Variants in HLCS observed in about 807,000 individuals in gnomAD.
The protein encoded by HLCS is holocarboxylase synthetase.
In HLCS, 53 loss-of-function variants were observed where a neutral mutation model predicts 75.0. The observed-to-expected ratio is 0.71, with a 90% CI of 0.57 to 0.89. The LOEUF (loss-of-function observed/expected upper bound fraction) is 0.89. HLCS is among the 40% of genes least tolerant of loss of function. The pLI, the probability that HLCS is intolerant of heterozygous loss-of-function variation, is 0.00. For synonymous variants in HLCS, 431 were observed against 428.6 expected (o/e 1.01, Z -0.07); for missense variants, 966 against 1,074.0 (o/e 0.90, Z 1.41).
At chr21:36,927,385 G>A (rs1187243587) in intron 5 of HLCS, among the ~76,000 whole-genome samples, 4 of 152,230 alleles carry the variant, frequency 2.6e-5, no homozygotes, top group African/African-American at 9.6e-5. Context: ...CCGTCGCTGA[G>A]GCGAGTGTTT....
intron 6 of HLCS, among the ~76,000 whole-genome samples, chr21:36,795,303 C>G (rs905209117): frequency 1.1e-4 from 16 of 152,182 alleles, no homozygotes; most frequent in Non-Finnish European, 1.8e-4. Context: ...ATTGACGGTG[C>G]TCAGCTAGCC....
chr21:36,765,850 T>C (rs2090012032), intron 7 of HLCS, among the ~76,000 whole-genome samples: 1 of 152,342 alleles, frequency 6.6e-6, no homozygotes, highest in South Asian at 2.1e-4. Context: ...TTTCACCATG[T>C]TGGTCAGGCT....
At chr21:36,756,491 C>G (rs752117681) in intron 10 of HLCS, 51 bp downstream of exon 10, 2 of 555,190 alleles carry the variant, frequency 3.6e-6, no homozygotes. Context: ...TACAGAACTA[C>G]TAAGATACTA....
In HLCS at chr21:36,754,208, G is replaced by A; in HGVS notation, c.*38C>T. The A allele has an allele frequency of 6.2e-7, 1 of 1,603,504 alleles. No individual in the cohort carries two copies. The highest frequency in any genetic ancestry group is 8.5e-7 in the Non-Finnish European group (1 of 1,171,730). ...TCTAAATTAGATTTCCAGATGCATG[G>A]GCACGGACAGGCAGCCGCGTCTCGG... On this transcript the variant is annotated 3_prime_UTR_variant, in exon 11 of 11. Transcript: ENST00000674895.
chr21:36,756,577 G>C lies in HLCS; in HGVS notation c.2415C>G (p.Ser805Arg). Residue 805 changes from serine (S) to arginine (R), a missense_variant, in exon 10 of 11, where the codon AGC (serine) becomes AGG (arginine). Ser to Arg is a moderately radical substitution (Grantham distance 110). Transcript: ENST00000674895. ...AGTATCGGTAATAAAGGGGAAGGAC[G>C]CTGTTGGGCCCTTTGTCCTGAAACT... ...IKEFQDKGPN[S>R]VLPLYYRYWV... 6.2e-7 allele frequency: 1 copy of C among 1,613,180 alleles called. No individual in the cohort carries two copies. The highest frequency in any genetic ancestry group is 8.5e-7 in the Non-Finnish European group (1 of 1,179,568).
chr21:36,870,399 T>C (rs930852566), intron 6 of HLCS, among the ~76,000 whole-genome samples: 1 of 152,224 alleles, frequency 6.6e-6, no homozygotes, highest in African/African-American at 2.4e-5. Flanking sequence ...TAATTCCTTA[T>C]TTTTCTTAGT....
chr21:36,892,682 A>C (rs6517390), intron 6 of HLCS, among the ~76,000 whole-genome samples: 22,521 of 152,166 alleles, frequency 0.15, 3,613 homozygotes, highest in African/African-American at 0.4. Flanking sequence ...GCTGTTCCCC[A>C]CTGTGTCCTT....
At chr21:36,917,297 C>A (rs778529578) in intron 5 of HLCS, among the ~76,000 whole-genome samples, 3 of 152,176 alleles carry the variant, frequency 2.0e-5, no homozygotes, top group East Asian at 1.9e-4. Flanking sequence ...TCTGAACAAG[C>A]CTTCATGCTG....
At chr21:36,876,881 C>CT (rs1453331175) in intron 6 of HLCS, among the ~76,000 whole-genome samples, 1 of 152,180 alleles carries the variant, frequency 6.6e-6, no homozygotes, top group Non-Finnish European at 1.5e-5. Flanking sequence ...GTGGACTTCT[C>CT]TATTTCTTTT....
chr21:36,759,079 C>T, intron 9 of HLCS: 1 of 470,886 alleles, frequency 2.1e-6, no homozygotes, highest in East Asian at 6.9e-5. Context: ...TAACACAGGC[C>T]TTGTATTCCC....
At chr21:36,883,914 C>A (rs2064337056) in intron 6 of HLCS, among the ~76,000 whole-genome samples, 1 of 152,210 alleles carries the variant, frequency 6.6e-6, no homozygotes, top group Non-Finnish European at 1.5e-5. Context: ...CACCCACAGA[C>A]ACCAAGGAGG....
rs2064603426 is a variant in HLCS, at chr21:36,888,448, ATATATATATAT to A, written c.1892+8401_1892+8411del. ...CTTCCCATTTAAAAAAAAAAAAAAT[ATATATATATAT>A]ATATATATATATATATATATATATA... On this transcript the variant is annotated intron_variant, in intron 6 of 10. Transcript: ENST00000674895. 8.0e-3 allele frequency among the ~76,000 whole-genome samples: 213 copies of A among 26,498 alleles called. 12 individuals carry two copies. The highest frequency in any genetic ancestry group is 0.011 in the African/African-American group (72 of 6,542). 17.4% of individuals were successfully genotyped at this position (26,498 alleles called of 152,430 possible).
chr21:36,827,027 A>G (rs983591548), intron 6 of HLCS, among the ~76,000 whole-genome samples: 1 of 152,212 alleles, frequency 6.6e-6, no homozygotes, highest in East Asian at 1.9e-4. Context: ...AGGATGTCTA[A>G]TAACACAGAC....
chr21:36,795,121 G>A (rs537675509), intron 6 of HLCS, among the ~76,000 whole-genome samples: 13 of 152,290 alleles, frequency 8.5e-5, no homozygotes, highest in African/African-American at 1.9e-4. Flanking sequence ...AGGGGAAGAC[G>A]TCTGATTAAC....
At chr21:36,825,605 C>T (rs903412469) in intron 6 of HLCS, among the ~76,000 whole-genome samples, 1 of 152,148 alleles carries the variant, frequency 6.6e-6, no homozygotes. Context: ...GTTCTACCAA[C>T]CTTGCTCGAG....
intron 6 of HLCS, among the ~76,000 whole-genome samples, chr21:36,771,375 G>C (rs1045312635): frequency 2.6e-5 from 4 of 152,166 alleles, no homozygotes; most frequent in Admixed American, 2.6e-4. Context: ...AGTCTGTTCA[G>C]ACCCAGTGAT....
chr21:36,933,108 A>G (rs1188344906), intron 4 of HLCS, among the ~76,000 whole-genome samples: 2 of 151,686 alleles, frequency 1.3e-5, no homozygotes, highest in East Asian at 3.9e-4. Context: ...ACAGAGTGAG[A>G]CTCCGGCTCA....
intron 7 of HLCS, among the ~76,000 whole-genome samples, chr21:36,766,770 T>G: frequency 6.6e-6 from 1 of 151,972 alleles, no homozygotes; most frequent in Non-Finnish European, 1.5e-5. Context: ...TGGGCACTGA[T>G]GCAGAGCCCA....
At chr21:36,776,517 C>T (rs745380700) in intron 6 of HLCS, among the ~76,000 whole-genome samples, 12 of 152,038 alleles carry the variant, frequency 7.9e-5, no homozygotes, top group Admixed American at 2.0e-4. Flanking sequence ...CAGGTTTAAG[C>T]GATTCTCCTG....
Sources: gnomAD v4.1 joint callset for allele counts (sites outside exome capture counted in the v4.1 genomes callset) on GRCh38, gnomAD v4.1.1 for gene constraint, MANE v1.5 for transcripts, NCBI Gene and HGNC (gene_info 2026-07-23, HGNC 2026-07-21) for gene names.